The following CACNA2D3 variants were observed in gnomAD, a reference collection of about 807,000 sequenced individuals.
The protein encoded by CACNA2D3 is voltage-dependent calcium channel subunit alpha-2/delta-3.
CACNA2D3 carries 60 observed loss-of-function variants against 160.6 expected under a neutral mutation model. The ratio of observed to expected loss-of-function variants is 0.37; its 90% CI spans 0.30 to 0.46. The LOEUF is 0.46. Ranked by LOEUF, CACNA2D3 falls within the 20% of genes least tolerant of loss-of-function variation. The pLI, the probability that CACNA2D3 is intolerant of heterozygous loss-of-function variation, is 1.00. For synonymous variants in CACNA2D3, 558 were observed against 492.9 expected (o/e 1.13, Z -1.75); for missense variants, 1,205 against 1,365.0 (o/e 0.88, Z 1.85).
At chr3:54,895,165 G>A (rs557135062) in intron 25 of CACNA2D3, among the ~76,000 whole-genome samples, 1 of 152,082 alleles carries the variant, frequency 6.6e-6, no homozygotes, top group Non-Finnish European at 1.5e-5. Flanking sequence ...TTATGAAGAC[G>A]GCCATAGAAA....
At chr3:54,774,601 C>A (rs1702386812) in intron 13 of CACNA2D3, among the ~76,000 whole-genome samples, 1 of 149,436 alleles carries the variant, frequency 6.7e-6, no homozygotes, top group Non-Finnish European at 1.5e-5. Flanking sequence ...GGGTTAATCC[C>A]AATATTATTT....
At chr3:54,471,613 G>A (rs1700732612) in intron 4 of CACNA2D3, among the ~76,000 whole-genome samples, 1 of 152,146 alleles carries the variant, frequency 6.6e-6, no homozygotes, top group Admixed American at 6.5e-5. Context: ...GAATCCAGGA[G>A]CTGTTTTTTT....
At chr3:54,425,611 T>C (rs1699901238) in intron 4 of CACNA2D3, among the ~76,000 whole-genome samples, 1 of 152,188 alleles carries the variant, frequency 6.6e-6, no homozygotes, top group African/African-American at 2.4e-5. Flanking sequence ...ATACCAGAAA[T>C]GGCCAAGGCA....
chr3:54,462,764 A>T (rs1228894646), intron 4 of CACNA2D3, among the ~76,000 whole-genome samples: 3 of 152,144 alleles, frequency 2.0e-5, no homozygotes, highest in African/African-American at 7.2e-5. Context: ...TGGAGCATTT[A>T]GTCCATTTGC....
chr3:54,840,403 CTTTTTTT>C lies in CACNA2D3; in HGVS notation c.1551+1774_1551+1780del, dbSNP rs1174129020. ...CATCTTGCAAGCAGGAGAACCATGT[CTTTTTTT>C]TTTTTTTTTTTTTTTTTTGAGATGG... On this transcript the variant is annotated intron_variant, in intron 16 of 37. Transcript: ENST00000474759. 6.5e-3 allele frequency among the ~76,000 whole-genome samples: 476 copies of C among 73,492 alleles called. 2 individuals are homozygous for C. Among genetic ancestry groups the C allele is most frequent in the African/African-American group, 0.024 (426 of 17,960 alleles). 48.2% of individuals were successfully genotyped at this position (73,492 alleles called of 152,430 possible).
intron 2 of CACNA2D3, among the ~76,000 whole-genome samples, chr3:54,158,872 C>G (rs1371052230): frequency 6.6e-6 from 1 of 152,202 alleles, no homozygotes; most frequent in East Asian, 1.9e-4. Context: ...TTTGTCCTAC[C>G]TCTGTGCACA....
intron 2 of CACNA2D3, among the ~76,000 whole-genome samples, chr3:54,164,310 G>C (rs1413788587): frequency 1.3e-5 from 2 of 152,154 alleles, no homozygotes; most frequent in African/African-American, 2.4e-5. Context: ...GATTCCACTG[G>C]CATGAAATCT....
intron 30 of CACNA2D3, among the ~76,000 whole-genome samples, chr3:54,986,955 CAA>C (rs1176757178): frequency 1.3e-5 from 2 of 152,146 alleles, no homozygotes; most frequent in African/African-American, 4.8e-5. Flanking sequence ...TTCATTCCAC[CAA>C]AGTTTGCAAA....
chr3:54,484,898 G>A (rs372037490), intron 4 of CACNA2D3, among the ~76,000 whole-genome samples: 4 of 150,986 alleles, frequency 2.6e-5, no homozygotes, highest in Admixed American at 1.3e-4. Flanking sequence ...CTGGGCTGGA[G>A]TGCAGTGGTA....
intron 3 of CACNA2D3, among the ~76,000 whole-genome samples, chr3:54,360,343 C>G (rs1047608029): frequency 6.6e-6 from 1 of 152,150 alleles, no homozygotes; most frequent in East Asian, 1.9e-4. Context: ...ACTATATATG[C>G]AAACAAAATT....
intron 17 of CACNA2D3, among the ~76,000 whole-genome samples, chr3:54,855,299 G>A (rs931654237): frequency 6.6e-6 from 1 of 152,156 alleles, no homozygotes. Flanking sequence ...TCCGGGCTCC[G>A]GCACCTGCTT....
At chr3:54,353,588 C>T (rs1218830460) in intron 3 of CACNA2D3, among the ~76,000 whole-genome samples, 1 of 152,130 alleles carries the variant, frequency 6.6e-6, no homozygotes, top group Non-Finnish European at 1.5e-5. Flanking sequence ...ACCGCGCCCC[C>T]TCCCTGCCAC....
Position 54,687,147 on chromosome 3 carries a change from T to G in CACNA2D3, c.1167+44906T>G, listed in dbSNP as rs537137565. Reference sequence around the variant, plus strand: ...TTTTTTTTTTTTTGTTTTTTTTTTTTTTTGTTTTTTTGACACTGGGCCTCA... The same window carrying G: ...TTTTTTTTTTTTTGTTTTTTTTTTTGTTTGTTTTTTTGACACTGGGCCTCA... On this transcript the variant is annotated intron_variant, in intron 11 of 37. Transcript: ENST00000474759. Among the ~76,000 whole-genome samples, 77 of 79,442 alleles carry G rather than the reference T, an allele frequency of 9.7e-4. No homozygotes were observed. In the South Asian group the frequency reaches 0.02, roughly 21 times the overall value. 52.1% of individuals were successfully genotyped at this position (79,442 alleles called of 152,430 possible). A position where few individuals can be genotyped will look rare whatever the true frequency, so the allele number is the denominator to read the frequency against.
At chr3:54,203,622 A>T (rs114638988) in intron 2 of CACNA2D3, among the ~76,000 whole-genome samples, 1 of 152,258 alleles carries the variant, frequency 6.6e-6, no homozygotes, top group East Asian at 1.9e-4. Context: ...CAGAAGGGAG[A>T]TGGTTTTCCT....
intron 13 of CACNA2D3, among the ~76,000 whole-genome samples, chr3:54,798,570 A>G (rs1702918795): frequency 2.0e-5 from 3 of 152,168 alleles, no homozygotes; most frequent in Non-Finnish European, 4.4e-5. Flanking sequence ...AGTAAGAAGA[A>G]TGTCACCTCT....
At chr3:54,766,470 C>G (rs1359857044) in intron 13 of CACNA2D3, among the ~76,000 whole-genome samples, 2 of 152,168 alleles carry the variant, frequency 1.3e-5, no homozygotes, top group Non-Finnish European at 2.9e-5. Context: ...ACCTTGCACT[C>G]TGTTGGTGAG....
intron 2 of CACNA2D3, among the ~76,000 whole-genome samples, chr3:54,150,822 T>TGATGGATGGATG (rs10599520): frequency 6.6e-6 from 1 of 150,784 alleles, no homozygotes; most frequent in Admixed American, 6.6e-5. Context: ...GCTTAATACA[T>TGATGGATGGATG]GATGGATGGA....
At chr3:54,514,057 A>C (rs1461110279) in intron 5 of CACNA2D3, among the ~76,000 whole-genome samples, 1 of 152,248 alleles carries the variant, frequency 6.6e-6, no homozygotes, top group Admixed American at 6.5e-5. Flanking sequence ...TCATCTCAGC[A>C]TATGAAAATC....
intron 20 of CACNA2D3, 33 bp from the exon 21 acceptor site, chr3:54,880,763 G>T: frequency 6.3e-7 from 1 of 1,578,522 alleles, no homozygotes; most frequent in Non-Finnish European, 8.7e-7. Flanking sequence ...TCGATGCCAG[G>T]GATTTCAAGA....
Sources: allele counts gnomAD v4.1 joint callset (sites outside exome capture counted in the v4.1 genomes callset), GRCh38; gene constraint gnomAD v4.1.1; transcripts MANE v1.5; gene names NCBI Gene and HGNC (gene_info 2026-07-23, HGNC 2026-07-21).